The following ADAMTS8 variants were observed in gnomAD, a reference collection of about 807,000 sequenced individuals.
ADAMTS8 encodes the protein A disintegrin and metalloproteinase with thrombospondin motifs 8.
A neutral mutation model predicts 64.4 loss-of-function variants in ADAMTS8; 50 were observed. That is an observed-to-expected ratio of 0.78 (90% CI 0.62 to 0.98). ADAMTS8 has a LOEUF of 0.98. Ranked by LOEUF, ADAMTS8 falls within the 50% of genes least tolerant of loss-of-function variation. The pLI, the probability that ADAMTS8 is intolerant of heterozygous loss-of-function variation, is 0.00. For synonymous variants in ADAMTS8, 556 were observed against 533.6 expected (o/e 1.04, Z -0.58); for missense variants, 1,192 against 1,208.2 (o/e 0.99, Z 0.20).
rs1478818741 is a variant in ADAMTS8, at chr11:130,416,803, TAC to T, written c.1096+135_1096+136del. On this transcript the variant is annotated intron_variant, in intron 3 of 8. Transcript: ENST00000257359. The surrounding 1 kb of genome is among the most constrained non-coding windows in gnomAD (Gnocchi z 4.8). Reference sequence around the variant, plus strand: ...CTGTCAAGCGCGGTATCTGTTTGTATACAGTCACCCTGTCAAAATTAGGAGGA... The same window carrying T: ...CTGTCAAGCGCGGTATCTGTTTGTATAGTCACCCTGTCAAAATTAGGAGGA... 4 of 1,370,130 alleles carry T rather than the reference TAC, an allele frequency of 2.9e-6. No homozygotes were observed. In the African/African-American group the frequency reaches 4.3e-5, roughly 15 times the overall value. The allele number at this position is 1,370,130 out of a possible 1,614,324, so 84.9% of individuals were successfully genotyped here.
Position 130,405,713 on chromosome 11 carries a change from C to T in ADAMTS8, c.2515G>A (p.Gly839Arg). 2 of 1,614,182 alleles carry T rather than the reference C, an allele frequency of 1.2e-6. No homozygotes were observed. Among genetic ancestry groups the T allele is most frequent in the South Asian group, 1.1e-5 (1 of 91,090 alleles). The part of the protein sequence containing the change: ...QPLLHAQWVL[G>R]DWSECSSTCG... ...GTGCTAGAGCACTCAGACCAGTCCC[C>T]CAGCACCCACTGTGCGTGGAGCAGC... Residue 839 changes from glycine to arginine, a missense_variant, in exon 9 of 9, where the codon GGG (glycine) becomes AGG (arginine). Physicochemically the swap from Gly to Arg is moderately radical, Grantham distance 125. Around this residue, in one of 5 missense-constraint regions of ADAMTS8, gnomAD observed 147 missense variants for 154.1 expected, o/e 0.95. Transcript: ENST00000257359.
chr11:130,413,876 C>T (rs887401707), intron 5 of ADAMTS8, among the ~76,000 whole-genome samples: 2 of 152,302 alleles, frequency 1.3e-5, no homozygotes, highest in African/African-American at 2.4e-5. Flanking sequence ...TTGACAGTGG[C>T]TCCATCTGTT....
intron 1 of ADAMTS8, 108 bp from the exon 2 acceptor site, chr11:130,419,400 T>C: frequency 6.7e-7 from 1 of 1,488,402 alleles, no homozygotes; most frequent in South Asian, 1.3e-5. Flanking sequence ...AGCATCAGAT[T>C]CCTACCAAAG....
At position 130,408,735 on chromosome 11, in the gene ADAMTS8, A is replaced by G. The variant is rs374907085; in HGVS notation, c.1923+33T>C. The G allele has an allele frequency of 1.3e-4, 209 of 1,613,312 alleles. No homozygotes were observed. In the African/African-American group the frequency reaches 2.3e-3, roughly 18 times the overall value. Reference sequence around the variant, plus strand: ...GTGGGGACAGGCGACCTTCCTCCCCATCTCTGGATCTGAGTCCCAGGGTGA... The same window carrying G: ...GTGGGGACAGGCGACCTTCCTCCCCGTCTCTGGATCTGAGTCCCAGGGTGA... On this transcript the variant is annotated intron_variant, in intron 7 of 8. Coordinates refer to ENST00000257359, the MANE Select transcript of ADAMTS8 (RefSeq NM_007037.6).
Position 130,412,804 on chromosome 11 carries a change from G to C in ADAMTS8, c.1567-1204C>G, listed in dbSNP as rs189818202. 5.3e-5 allele frequency among the ~76,000 whole-genome samples: 8 copies of C among 152,198 alleles called. No homozygotes were observed. In the South Asian group the frequency reaches 1.7e-3, roughly 32 times the overall value. On this transcript the variant is annotated intron_variant, in intron 5 of 8. Coordinates refer to ENST00000257359, the MANE Select transcript of ADAMTS8 (RefSeq NM_007037.6). Reference sequence around the variant, plus strand: ...AATGCAATGCTTTTATTTTACAAAAGATATGATTCTATGTATATATTCTTT... The same window carrying C: ...AATGCAATGCTTTTATTTTACAAAACATATGATTCTATGTATATATTCTTT...
Position 130,427,655 on chromosome 11 carries a change from G to A in ADAMTS8, c.632C>T (p.Thr211Ile). The A allele has an allele frequency of 6.3e-7, 1 of 1,591,230 alleles. No individual in the cohort carries two copies. Among genetic ancestry groups the A allele is most frequent in the Non-Finnish European group, 8.5e-7 (1 of 1,171,036 alleles). Residue 211 changes from threonine (T) to isoleucine (I), a missense_variant, in exon 1 of 9, where the codon ACC becomes ATC. Thr to Ile is a moderately conservative substitution (Grantham distance 89). Transcript: ENST00000257359. Reference protein sequence around the residue: ...PPPPLGATSRTKRFVSEARFV... With the variant: ...PPPPLGATSRIKRFVSEARFV... ...GCGCGCCTCAGACACAAACCGCTTG[G>A]TCCTACTCGTGGCCCCCAGGGGCGG...
chr11:130,414,032 G>A lies in ADAMTS8; in HGVS notation c.1566+499C>T, dbSNP rs116725406. On this transcript the variant is annotated intron_variant, in intron 5 of 8. Transcript: ENST00000257359. ...GGATAGCCTTCACGGGCTCCTCACC[G>A]TGTGGATAAATATGCTTTGGTTTGT... Among the ~76,000 whole-genome samples, 455 of 142,140 alleles carry A rather than the reference G, an allele frequency of 3.2e-3. 2 individuals carry two copies. Among genetic ancestry groups the A allele is most frequent in the African/African-American group, 0.011 (435 of 40,082 alleles). The allele number at this position is 142,140 out of a possible 152,430, so 93.2% of individuals were successfully genotyped here.
intron 1 of ADAMTS8, among the ~76,000 whole-genome samples, chr11:130,419,601 T>C (rs1862073963): frequency 6.6e-6 from 1 of 152,202 alleles, no homozygotes; most frequent in African/African-American, 2.4e-5. Flanking sequence ...CCAAATTCAT[T>C]AAAATCCAAA....
chr11:130,419,285 A>T lies in ADAMTS8; in HGVS notation c.728T>A (p.Ile243Asn), dbSNP rs1387536203. ...AFYGADLQNH[I>N]LTLMSVAARI... ...GGCTGCCACAGACATTAACGTCAGG[A>T]TGTGGTTCTGTCAGGAAGGAGGAGA... The change falls in exon 2 of 9, where the codon ATC (isoleucine) becomes AAC (asparagine). Residue 243 changes from isoleucine to asparagine, a missense_variant. By Grantham distance (149) the Ile-to-Asn change is moderately radical. Transcript: ENST00000257359. 3 of 1,613,776 alleles carry T rather than the reference A, an allele frequency of 1.9e-6. No individual in the cohort carries two copies. Among genetic ancestry groups the T allele is most frequent in the Non-Finnish European group, 2.5e-6 (3 of 1,180,028 alleles).
intron 1 of ADAMTS8, among the ~76,000 whole-genome samples, chr11:130,426,146 C>T (rs1862164028): frequency 6.6e-6 from 1 of 152,218 alleles, no homozygotes; most frequent in African/African-American, 2.4e-5. Flanking sequence ...ACCACAAGGG[C>T]TTGCAGGGGT....
intron 4 of ADAMTS8, among the ~76,000 whole-genome samples, chr11:130,415,816 C>T (rs1019091894): frequency 1.7e-4 from 26 of 152,102 alleles, no homozygotes; most frequent in African/African-American, 4.6e-4. Flanking sequence ...TCTCACAGGA[C>T]GCAGTCACTG....
chr11:130,408,702 G>A lies in ADAMTS8; in HGVS notation c.1924-63C>T, dbSNP rs1592128236. ...GAGCACAGAAGCAGCCTGCCGGGGG[G>A]CGGGGGTGTGGGGACAGGCGACCTT... On this transcript the variant is annotated intron_variant, in intron 7 of 8. Coordinates refer to ENST00000257359, the MANE Select transcript of ADAMTS8 (RefSeq NM_007037.6). 10 of 1,611,460 alleles carry A rather than the reference G, an allele frequency of 6.2e-6. No homozygotes were observed. The East Asian group carries it at 1.8e-4, about 29-fold the overall frequency.
chr11:130,425,646 G>C (rs1294742875), intron 1 of ADAMTS8, among the ~76,000 whole-genome samples: 30 of 150,878 alleles, frequency 2.0e-4, no homozygotes, highest in Admixed American at 7.2e-4. Flanking sequence ...TGTCACCCAG[G>C]CTGGAGTGCA....
chr11:130,422,278 T>TA (rs1217156204), intron 1 of ADAMTS8, among the ~76,000 whole-genome samples: 37 of 150,764 alleles, frequency 2.5e-4, no homozygotes, highest in African/African-American at 6.6e-4. Flanking sequence ...AAAAATGAAT[T>TA]AAAAAAAAAT....
chr11:130,415,894 C>T (rs1317017376), intron 4 of ADAMTS8, among the ~76,000 whole-genome samples: 1 of 152,184 alleles, frequency 6.6e-6, no homozygotes, highest in Non-Finnish European at 1.5e-5. Context: ...TTCCTTCAAG[C>T]GCTGCTCAAA....
intron 4 of ADAMTS8, among the ~76,000 whole-genome samples, chr11:130,415,603 C>CT (rs386375276): frequency 0.026 from 2,751 of 104,758 alleles, 67 homozygotes; most frequent in African/African-American, 0.045. Flanking sequence ...GCACCTGGCC[C>CT]TTTTTTTTTT....
rs1861944916 is a variant in ADAMTS8 at position 130,411,009 on chromosome 11, T to A, written c.1750+408A>T. 6.6e-6 allele frequency among the ~76,000 whole-genome samples: 1 copy of A among 152,172 alleles called. No individual in the cohort carries two copies. Among genetic ancestry groups the A allele is most frequent in the South Asian group, 2.1e-4 (1 of 4,824 alleles). ...ACACTTGCTTTGGAAAATGCTTCCA[T>A]TCTGCACACAGATGAGGGTTCCTAT... On this transcript the variant is annotated intron_variant, in intron 6 of 8. Transcript: ENST00000257359. This position sits in a 1 kb window ranked among gnomAD's most constrained non-coding sequence, Gnocchi z 4.2.
chr11:130,418,934 C>A, intron 2 of ADAMTS8, 119 bp downstream of exon 2: 1 of 1,495,518 alleles, frequency 6.7e-7, no homozygotes. Flanking sequence ...GAGGCTCTGG[C>A]GTCCAGCTGG....
intron 1 of ADAMTS8, among the ~76,000 whole-genome samples, chr11:130,421,252 A>G (rs764348490): frequency 2.0e-5 from 3 of 152,194 alleles, no homozygotes; most frequent in Non-Finnish European, 4.4e-5. Flanking sequence ...TCACATCCTC[A>G]GTGAAGACCG....
Sources: gnomAD v4.1 joint callset for allele counts (sites outside exome capture counted in the v4.1 genomes callset) on GRCh38, gnomAD v4.1.1 for gene constraint, gnomAD v4.1.1 regional missense constraint, Gnocchi (gnomAD v3.1) non-coding constraint, MANE v1.5 for transcripts, NCBI Gene and HGNC (gene_info 2026-07-23, HGNC 2026-07-21) for gene names.